The following IGLL5 variants were observed in gnomAD, a reference collection of about 807,000 sequenced individuals.
IGLL5 encodes the protein immunoglobulin lambda-like polypeptide 5.
Under a neutral mutation model 20.9 loss-of-function variants are expected in IGLL5, and 30 were observed. The ratio of observed to expected loss-of-function variants is 1.44; its 90% CI spans 1.07 to 1.95. IGLL5 has a LOEUF of 1.95. Among genes scored for constraint, IGLL5 ranks in the 30% most tolerant of loss-of-function variants. The probability of loss-of-function intolerance (pLI) is 0.00; values close to 1 mark genes in which losing one functional copy is unlikely to be tolerated. For synonymous variants in IGLL5, 203 were observed against 117.3 expected, an observed-to-expected ratio of 1.73 and a Z score of -4.72; for missense variants, 475 against 270.7, an observed-to-expected ratio of 1.75 and a Z score of -5.30.
At position 22,893,703 on chromosome 22, in the gene IGLL5, C is replaced by G. The variant is rs768024817; in HGVS notation, c.210C>G (p.Leu70=). The change falls in exon 2 of 3, where the codon CTC becomes CTG. Residue 70 remains leucine (L), a synonymous_variant. Coordinates refer to ENST00000526893, the MANE Select transcript of IGLL5 (RefSeq NM_001178126.2). ...RSSLRSLWGR[L]LLQPSPQRAD... The stretch of plus-strand genomic sequence containing the variant: ...CTGTGCCCGTCATGCCCAGCAGGCT[C>G]CTGCTCCAGCCCAGCCCCCAGAGAG... 1.2e-6 allele frequency: 2 copies of G among 1,603,716 alleles called. No individual in the cohort carries two copies. The highest frequency in any genetic ancestry group is 1.7e-6 in the Non-Finnish European group (2 of 1,174,588).
chr22:22,893,936 C>CA lies in IGLL5; in HGVS notation c.325+118_325+119insA, dbSNP rs2067952126. ...TCCCAGCCTTAAGCACTGACCCTTA[C>CA]CTTTCTCCATGGGGCCTGGAGGAGG... is the stretch of plus-strand genomic sequence containing the variant. On this transcript the variant is annotated intron_variant, in intron 2 of 2. Transcript: ENST00000526893. The CA allele has an allele frequency of 3.5e-5, 27 of 777,868 alleles. 1 individual carries two copies. Among genetic ancestry groups the CA allele is most frequent in the Admixed American group, 1.5e-4 (8 of 52,066 alleles). The allele number at this position is 777,868 out of a possible 1,614,324, so 48.2% of individuals were successfully genotyped here. A position where few individuals can be genotyped will look rare whatever the true frequency, so the allele number is the denominator to read the frequency against.
In IGLL5 at chr22:22,889,343, G is replaced by A. The variant is rs1601607549; in HGVS notation, c.206+1084G>A. Reference sequence around the variant, plus strand: ...AGACACGCTCGGGGACTGTCTATGGGCATTAAAAATGTATAACCATTTTAG... The same window carrying A: ...AGACACGCTCGGGGACTGTCTATGGACATTAAAAATGTATAACCATTTTAG... On this transcript the variant is annotated intron_variant, in intron 1 of 2. Transcript: ENST00000526893. 1.3e-5 allele frequency among the ~76,000 whole-genome samples: 2 copies of A among 151,026 alleles called. 1 individual carries two copies.
At chr22:22,893,514 T>C (rs1169001690) in intron 1 of IGLL5, among the ~76,000 whole-genome samples, 186 bp from the exon 2 acceptor site, 1 of 150,968 alleles carries the variant, frequency 6.6e-6, no homozygotes, top group Non-Finnish European at 1.5e-5. Flanking sequence ...GGTCCCAGTG[T>C]TGTCATCAGC....
intron 1 of IGLL5, among the ~76,000 whole-genome samples, chr22:22,888,662 C>G (rs140112877): frequency 2.6e-5 from 4 of 151,212 alleles, no homozygotes; most frequent in Admixed American, 6.6e-5. Context: ...GTGCCTCCTG[C>G]CCAGTGAGGG....
At chr22:22,894,233 A>G (rs1233674365) in intron 2 of IGLL5, among the ~76,000 whole-genome samples, 3 of 151,198 alleles carry the variant, frequency 2.0e-5, no homozygotes, top group East Asian at 2.0e-4. Flanking sequence ...GAGCAGCCCC[A>G]AGAACAGCTG....
chr22:22,894,326 A>C (rs2068016831), intron 2 of IGLL5, among the ~76,000 whole-genome samples: 3 of 151,270 alleles, frequency 2.0e-5, no homozygotes, highest in Middle Eastern at 3.7e-3. Context: ...CCAAGGGGAG[A>C]CCAATGGAGG....
rs1409985281 is a variant in IGLL5 at position 22,888,555 on chromosome 22, A to G, written c.206+296A>G. Among the ~76,000 whole-genome samples the G allele has an allele frequency of 4.0e-5, 6 of 151,326 alleles. No individual in the cohort carries two copies. The East Asian group carries it at 6.1e-4, about 15-fold the overall frequency. On this transcript the variant is annotated intron_variant, in intron 1 of 2. Coordinates refer to ENST00000526893, the MANE Select transcript of IGLL5 (RefSeq NM_001178126.2). ...CTAGTCCTAGTCCTCTGGGTAGGGAAGGAACAGAGGCAGGGACAGGACATC... is the reference window on the plus strand; with the variant it reads ...CTAGTCCTAGTCCTCTGGGTAGGGAGGGAACAGAGGCAGGGACAGGACATC...
At chr22:22,893,899 T>C (rs543110663) in intron 2 of IGLL5, 81 bp downstream of exon 2, 11 of 943,836 alleles carry the variant, frequency 1.2e-5, no homozygotes, top group Middle Eastern at 2.1e-4. Flanking sequence ...TGGGGCTTCC[T>C]CCCCTCTGTC....
chr22:22,888,934 C>T (rs2067666443), intron 1 of IGLL5, among the ~76,000 whole-genome samples: 2 of 151,262 alleles, frequency 1.3e-5, no homozygotes, highest in South Asian at 2.1e-4. Context: ...GATGGGTGCC[C>T]CCAAAAGACA....
intron 1 of IGLL5, among the ~76,000 whole-genome samples, chr22:22,889,586 G>A (rs538811919): frequency 6.6e-6 from 1 of 151,166 alleles, no homozygotes; most frequent in African/African-American, 2.4e-5. Flanking sequence ...TGTATTTGGG[G>A]GACTGTTGTT....
intron 1 of IGLL5, among the ~76,000 whole-genome samples, chr22:22,888,942 A>G (rs1601605104): frequency 1.3e-5 from 2 of 151,286 alleles, no homozygotes; most frequent in East Asian, 2.0e-4. Context: ...CCCCCAAAAG[A>G]CAGAGCAGCG....
chr22:22,893,986 A>T (rs928263337), intron 2 of IGLL5, among the ~76,000 whole-genome samples, 168 bp downstream of exon 2: 3 of 150,950 alleles, frequency 2.0e-5, no homozygotes, highest in East Asian at 2.0e-4. Flanking sequence ...GGTAACCGGC[A>T]GGAAGGGCCT....
intron 1 of IGLL5, among the ~76,000 whole-genome samples, chr22:22,889,069 A>G (rs1601605938): frequency 6.6e-6 from 1 of 151,256 alleles, no homozygotes; most frequent in African/African-American, 2.4e-5. Flanking sequence ...CCTTGGATGG[A>G]TTTAGGTAGA....
intron 1 of IGLL5, among the ~76,000 whole-genome samples, chr22:22,889,612 C>G (rs187860734): frequency 6.6e-6 from 1 of 151,262 alleles, no homozygotes; most frequent in African/African-American, 2.4e-5. Context: ...TGTTTTGAAA[C>G]AGTCTTGATC....
rs201375434 is a variant in IGLL5, at chr22:22,895,597, C to G, written c.548C>G (p.Thr183Arg). The change falls in exon 3 of 3, where the codon ACG becomes AGG. Residue 183 changes from threonine (T) to arginine (R), a missense_variant. Physicochemically the swap from Thr to Arg is moderately conservative, Grantham distance 71 (BLOSUM62 -1). Transcript: ENST00000526893. ...KYAASSYLSL[T>R]PEQWKSHRSY... The stretch of plus-strand genomic sequence containing the variant: ...GCGGCCAGCAGCTACCTGAGCCTGA[C>G]GCCCGAGCAGTGGAAGTCCCACAGA... 1 of 1,613,188 alleles carries G rather than the reference C, an allele frequency of 6.2e-7. No homozygotes were observed. Among genetic ancestry groups the G allele is most frequent in the Non-Finnish European group, 8.5e-7 (1 of 1,179,788 alleles).
At chr22:22,894,528 C>G (rs1290705000) in intron 2 of IGLL5, among the ~76,000 whole-genome samples, 1 of 151,420 alleles carries the variant, frequency 6.6e-6, no homozygotes, top group African/African-American at 2.4e-5. Context: ...ACCTCTGGGG[C>G]CCAGTGTCTC....
At chr22:22,894,808 G>A (rs529678024) in intron 2 of IGLL5, among the ~76,000 whole-genome samples, 2 of 151,438 alleles carry the variant, frequency 1.3e-5, no homozygotes, top group African/African-American at 4.8e-5. Flanking sequence ...GGCTTGTCTA[G>A]GTGGAGCCCA....
chr22:22,889,289 G>A (rs2067704593), intron 1 of IGLL5, among the ~76,000 whole-genome samples: 1 of 151,040 alleles, frequency 6.6e-6, no homozygotes, highest in African/African-American at 2.4e-5. Flanking sequence ...GGAGCATGAA[G>A]TTGAAGTGAG....
chr22:22,894,535 T>G (rs2066665060), intron 2 of IGLL5, among the ~76,000 whole-genome samples: 1 of 151,476 alleles, frequency 6.6e-6, no homozygotes, highest in African/African-American at 2.4e-5. Context: ...GGGCCCAGTG[T>G]CTCTCTGTTC....
Sources: allele counts gnomAD v4.1 joint callset (sites outside exome capture counted in the v4.1 genomes callset), GRCh38; gene constraint gnomAD v4.1.1; transcripts MANE v1.5; gene names NCBI Gene and HGNC (gene_info 2026-07-23, HGNC 2026-07-21).